SCRG1: variants seen among roughly 807,000 people sequenced by gnomAD.
SCRG1 encodes scrapie-responsive protein 1.
SCRG1 carries 3 observed loss-of-function variants against 7.7 expected under a neutral mutation model. That is an observed-to-expected ratio of 0.39 (90% CI 0.18 to 1.01). The LOEUF (loss-of-function observed/expected upper bound fraction) is 1.01. Among genes scored for constraint, SCRG1 ranks in the 50% least tolerant of loss-of-function variants. The probability of loss-of-function intolerance (pLI) is 0.36; values close to 1 mark genes in which losing one functional copy is unlikely to be tolerated. For missense variants in SCRG1, 110 were observed against 117.2 expected, an observed-to-expected ratio of 0.94 and a Z score of 0.28; for synonymous variants, 46 against 41.2, an observed-to-expected ratio of 1.12 and a Z score of -0.44.
the SCRG1 span, among the ~76,000 whole-genome samples, chr4:173,462,737 A>G: frequency 6.6e-6 from 1 of 152,238 alleles, no homozygotes; most frequent in Middle Eastern, 3.2e-3. Flanking sequence ...ATCAAAAATA[A>G]TAACTACAAC....
chr4:173,443,229 AAAAATATC>A, the SCRG1 span, among the ~76,000 whole-genome samples: 1 of 152,180 alleles, frequency 6.6e-6, no homozygotes, highest in African/African-American at 2.4e-5. Flanking sequence ...GAAAGGAGAG[AAAAATATC>A]ACAGAATAGA....
At chr4:173,493,884 T>G in the SCRG1 span, among the ~76,000 whole-genome samples, 1 of 152,200 alleles carries the variant, frequency 6.6e-6, no homozygotes, top group Non-Finnish European at 1.5e-5. Context: ...CGTTTTTGTT[T>G]GATGATTTTG....
intron 1 of SCRG1, among the ~76,000 whole-genome samples, chr4:173,392,484 C>T (rs1223494040): frequency 2.0e-5 from 3 of 152,210 alleles, no homozygotes; most frequent in Admixed American, 2.0e-4. Flanking sequence ...CTTCCACCCA[C>T]TAATCCTAGT....
upstream of SCRG1, among the ~76,000 whole-genome samples, chr4:173,409,198 A>G (rs1739987453): frequency 6.6e-6 from 1 of 152,116 alleles, no homozygotes; most frequent in African/African-American, 2.4e-5. Context: ...GGAATTCAGG[A>G]GAGAATCCCT....
At chr4:173,484,025 AATATAC>A in the SCRG1 span, among the ~76,000 whole-genome samples, 15 of 97,734 alleles carry the variant, frequency 1.5e-4, 1 homozygote, top group East Asian at 2.9e-3. Flanking sequence ...AATATATTAT[AATATAC>A]ATATATAATT....
At chr4:173,484,382 T>C in the SCRG1 span, among the ~76,000 whole-genome samples, 1 of 46,798 alleles carries the variant, frequency 2.1e-5, no homozygotes, top group Non-Finnish European at 3.9e-5. Context: ...ATATATTATG[T>C]ATATTTTATA....
chr4:173,429,451 C>G, the SCRG1 span, among the ~76,000 whole-genome samples: 1 of 152,034 alleles, frequency 6.6e-6, no homozygotes, highest in African/African-American at 2.4e-5. Flanking sequence ...TACCACCATG[C>G]CTGGCTAATT....
the SCRG1 span, among the ~76,000 whole-genome samples, chr4:173,518,287 G>A: frequency 6.6e-6 from 1 of 152,144 alleles, no homozygotes; most frequent in African/African-American, 2.4e-5. Flanking sequence ...GCTGCTCCAC[G>A]GGAGCCAGTC....
upstream of SCRG1, among the ~76,000 whole-genome samples, chr4:173,407,539 C>T (rs1031045577): frequency 6.6e-5 from 10 of 151,870 alleles, no homozygotes; most frequent in South Asian, 2.1e-4. Context: ...CATTTAAAAA[C>T]GAAAAAAAGA....
the SCRG1 span, among the ~76,000 whole-genome samples, chr4:173,501,532 G>T: frequency 6.6e-6 from 1 of 152,184 alleles, no homozygotes; most frequent in Non-Finnish European, 1.5e-5. The surrounding 1 kb of genome is among the most constrained non-coding windows in gnomAD (Gnocchi z 5.1). Context: ...CACGAAGAAC[G>T]GCCTTTCTGC....
At chr4:173,416,939 CACACACA>C in the SCRG1 span, among the ~76,000 whole-genome samples, 2 of 148,884 alleles carry the variant, frequency 1.3e-5, no homozygotes, top group Non-Finnish European at 1.5e-5. Context: ...CACACACACA[CACACACA>C]CACACACAGT....
At chr4:173,497,543 C>A in the SCRG1 span, among the ~76,000 whole-genome samples, 1 of 150,578 alleles carries the variant, frequency 6.6e-6, no homozygotes, top group African/African-American at 2.4e-5. Context: ...CAAGGTCAAC[C>A]AAGGCCAGGC....
chr4:173,492,448 G>A, the SCRG1 span, among the ~76,000 whole-genome samples: 2 of 151,742 alleles, frequency 1.3e-5, no homozygotes, highest in Non-Finnish European at 2.9e-5. Flanking sequence ...CACCTGCAGA[G>A]TCTACACTAC....
chr4:173,476,359 A>ATATATATATATAT, the SCRG1 span, among the ~76,000 whole-genome samples: 170 of 24,266 alleles, frequency 7.0e-3, 5 homozygotes, highest in East Asian at 0.15. Flanking sequence ...AGGGGGAAAA[A>ATATATATATATAT]AAAAATATAT....
intron 1 of SCRG1, among the ~76,000 whole-genome samples, chr4:173,396,984 C>A (rs1739624323): frequency 6.6e-6 from 1 of 151,988 alleles, no homozygotes; most frequent in South Asian, 2.1e-4. Flanking sequence ...ACCGCGGAGG[C>A]AGAGGTTGCA....
the SCRG1 span, among the ~76,000 whole-genome samples, chr4:173,416,952 A>T: frequency 3.6e-5 from 3 of 84,302 alleles, no homozygotes; most frequent in African/African-American, 1.2e-4. Context: ...ACACACACAC[A>T]CAGTCACATC....
intron 1 of SCRG1, among the ~76,000 whole-genome samples, chr4:173,398,809 A>G (rs1350193626): frequency 6.6e-6 from 1 of 152,202 alleles, no homozygotes; most frequent in Non-Finnish European, 1.5e-5. Flanking sequence ...GATAGTGAAG[A>G]ATCTGCCTCT....
the SCRG1 span, among the ~76,000 whole-genome samples, chr4:173,425,258 T>A: frequency 1.3e-4 from 20 of 152,358 alleles, no homozygotes; most frequent in South Asian, 8.3e-4. Context: ...TTTGCCTTTT[T>A]AATTTGGGTT....
At chr4:173,504,283 G>A in the SCRG1 span, among the ~76,000 whole-genome samples, 1 of 152,318 alleles carries the variant, frequency 6.6e-6, no homozygotes, top group Admixed American at 6.5e-5. The surrounding 1 kb of genome is among the most constrained non-coding windows in gnomAD (Gnocchi z 4.7). Flanking sequence ...GAGCCCAGAG[G>A]CTTCCCTGCA....
Sources: allele counts gnomAD v4.1 joint callset (sites outside exome capture counted in the v4.1 genomes callset), GRCh38; gene constraint gnomAD v4.1.1; non-coding constraint Gnocchi (gnomAD v3.1); transcripts MANE v1.5; gene names NCBI Gene and HGNC (gene_info 2026-07-23, HGNC 2026-07-21).